ZC3H3: variants seen among roughly 807,000 people sequenced by gnomAD.
ZC3H3 encodes zinc finger CCCH domain-containing protein 3.
ZC3H3 carries 36 observed loss-of-function variants against 77.3 expected under a neutral mutation model. That is an observed-to-expected ratio of 0.47 (90% confidence interval 0.36 to 0.61). The LOEUF (loss-of-function observed/expected upper bound fraction) is 0.61, where lower values mean the gene tolerates loss of function less well. Among genes scored for constraint, ZC3H3 ranks in the 20% least tolerant of loss-of-function variants. ZC3H3 has a pLI of 0.00. For synonymous variants in ZC3H3, 626 were observed against 555.2 expected (o/e 1.13, Z -1.79); for missense variants, 1,331 against 1,312.2 (o/e 1.01, Z -0.22).
chr8:143,492,205 T>TG (rs1821225219), intron 4 of ZC3H3, among the ~76,000 whole-genome samples: 2 of 152,286 alleles, frequency 1.3e-5, no homozygotes, highest in African/African-American at 4.8e-5. Flanking sequence ...CGGCAAAGCC[T>TG]CGGGGGGAGG....
chr8:143,447,653 T>C (rs908937116), intron 9 of ZC3H3, among the ~76,000 whole-genome samples: 16 of 152,228 alleles, frequency 1.1e-4, no homozygotes, highest in African/African-American at 3.6e-4. Context: ...TGGCAGCATC[T>C]GCTTCTGGGG....
chr8:143,478,881 C>T (rs755054088), intron 4 of ZC3H3, among the ~76,000 whole-genome samples: 2 of 152,228 alleles, frequency 1.3e-5, no homozygotes, highest in Non-Finnish European at 2.9e-5. Context: ...AAAAAAAACA[C>T]CTTACTGGAG....
intron 4 of ZC3H3, among the ~76,000 whole-genome samples, chr8:143,488,349 C>G (rs1821100762): frequency 1.6e-5 from 1 of 64,380 alleles, no homozygotes; most frequent in African/African-American, 8.3e-5. Flanking sequence ...ACACACAGAA[C>G]AGCACCCGCT....
intron 4 of ZC3H3, among the ~76,000 whole-genome samples, chr8:143,507,394 G>A (rs1013737064): frequency 1.3e-5 from 2 of 152,266 alleles, no homozygotes; most frequent in Non-Finnish European, 2.9e-5. Flanking sequence ...CTCCCCGAGA[G>A]ATGCTCAGAC....
intron 5 of ZC3H3, among the ~76,000 whole-genome samples, chr8:143,472,110 G>A (rs973697018): frequency 6.6e-6 from 1 of 152,244 alleles, no homozygotes; most frequent in Non-Finnish European, 1.5e-5. Flanking sequence ...GAGCAAGGAG[G>A]CCCCTGGACC....
chr8:143,539,725 G>A (rs1177788441), intron 1 of ZC3H3, among the ~76,000 whole-genome samples: 2 of 152,202 alleles, frequency 1.3e-5, no homozygotes, highest in Admixed American at 6.5e-5. Context: ...AGGCCCTCTG[G>A]CTTGCCTACA....
chr8:143,527,955 C>T (rs750786358), intron 3 of ZC3H3, among the ~76,000 whole-genome samples: 29 of 152,092 alleles, frequency 1.9e-4, no homozygotes, highest in Non-Finnish European at 3.1e-4. Flanking sequence ...GCCCACACCA[C>T]GCCTGGGGGC....
rs1822689015 is a variant in ZC3H3 at position 143,533,514 on chromosome 8, T to G, written c.1561+2743A>C. On this transcript the variant is annotated intron_variant, in intron 3 of 11. Coordinates refer to ENST00000262577, the MANE Select transcript of ZC3H3 (RefSeq NM_015117.3). The surrounding 1 kb of genome is among the most constrained non-coding windows in gnomAD (Gnocchi z 4.0). ...CCACTGGAAGGCGGCTCCAGCCTCA[T>G]CATCTCTTCACCTTCACTGCAGTAT... Among the ~76,000 whole-genome samples the G allele has an allele frequency of 6.6e-6, 1 of 152,050 alleles. No homozygotes were observed. Among genetic ancestry groups the G allele is most frequent in the Non-Finnish European group, 1.5e-5 (1 of 68,000 alleles).
chr8:143,478,927 C>T (rs79729884), intron 4 of ZC3H3, among the ~76,000 whole-genome samples: 7 of 152,344 alleles, frequency 4.6e-5, no homozygotes, highest in African/African-American at 1.2e-4. Context: ...AGGATCTGGG[C>T]GGAATGGAGA....
intron 4 of ZC3H3, among the ~76,000 whole-genome samples, chr8:143,505,242 C>T (rs1025338630): frequency 2.6e-5 from 4 of 152,250 alleles, no homozygotes; most frequent in Non-Finnish European, 5.9e-5. Context: ...AGCCTGCCTT[C>T]TTCCTCTCCA....
chr8:143,498,084 C>T (rs1332241300), intron 4 of ZC3H3, among the ~76,000 whole-genome samples: 1 of 152,204 alleles, frequency 6.6e-6, no homozygotes, highest in Non-Finnish European at 1.5e-5. Flanking sequence ...CCAAGGAGAA[C>T]GGCAGGAACT....
chr8:143,498,433 G>A (rs371907655), intron 4 of ZC3H3, among the ~76,000 whole-genome samples: 35 of 152,252 alleles, frequency 2.3e-4, no homozygotes, highest in Non-Finnish European at 4.4e-4. Flanking sequence ...AGTGTGGCCC[G>A]CTCACCGGTC....
In ZC3H3 at chr8:143,460,352, T is replaced by C. The variant is rs889267292; in HGVS notation, c.2307+5365A>G. ...TCTGTTTGCTGATGACATGATCTTA[T>C]ATGTAAGAAAACCCTAAAGAATCCA... On this transcript the variant is annotated intron_variant, in intron 9 of 11. Transcript: ENST00000262577. This position sits in a 1 kb window ranked among gnomAD's most constrained non-coding sequence, Gnocchi z 4.0. Among the ~76,000 whole-genome samples, 1 of 151,958 alleles carries C rather than the reference T, an allele frequency of 6.6e-6. No homozygotes were observed. Among genetic ancestry groups the C allele is most frequent in the Non-Finnish European group, 1.5e-5 (1 of 68,012 alleles).
intron 4 of ZC3H3, among the ~76,000 whole-genome samples, chr8:143,487,596 G>A (rs1211394406): frequency 9.1e-5 from 2 of 21,982 alleles, no homozygotes; most frequent in Non-Finnish European, 1.8e-4. Flanking sequence ...CCACCACCAC[G>A]AAGCTCAGAC....
chr8:143,492,217 G>C (rs751802807), intron 4 of ZC3H3, among the ~76,000 whole-genome samples: 1 of 152,172 alleles, frequency 6.6e-6, no homozygotes, highest in Admixed American at 6.5e-5. Context: ...GGGGGGAGGA[G>C]TGTGCTGGCC....
intron 4 of ZC3H3, among the ~76,000 whole-genome samples, chr8:143,488,800 G>A (rs2129958245): frequency 6.6e-6 from 1 of 152,320 alleles, no homozygotes. Context: ...CGAGGAAAAT[G>A]ACAAAAAGGC....
chr8:143,461,532 T>A (rs1395648209), intron 9 of ZC3H3, among the ~76,000 whole-genome samples: 2 of 152,030 alleles, frequency 1.3e-5, no homozygotes, highest in Admixed American at 1.3e-4. Flanking sequence ...AGCAAAAGCA[T>A]CGGCCACACA....
intron 9 of ZC3H3, among the ~76,000 whole-genome samples, chr8:143,459,491 G>A (rs545241548): frequency 9.9e-5 from 15 of 152,150 alleles, no homozygotes; most frequent in Non-Finnish European, 1.9e-4. Flanking sequence ...GGAGTTTACA[G>A]TGAGCTGAGA....
chr8:143,532,985 TGCGGACTCCGCTCCTTGGCCTG>T (rs1418719687), intron 3 of ZC3H3, among the ~76,000 whole-genome samples: 8 of 152,234 alleles, frequency 5.3e-5, no homozygotes, highest in African/African-American at 1.9e-4. Flanking sequence ...CTTGAGAGCC[TGCGGACTCCGCTCCTTGGCCTG>T]GCGTCAGTGG....
Sources: allele counts gnomAD v4.1 joint callset (sites outside exome capture counted in the v4.1 genomes callset), GRCh38; gene constraint gnomAD v4.1.1; non-coding constraint Gnocchi (gnomAD v3.1); transcripts MANE v1.5; gene names NCBI Gene and HGNC (gene_info 2026-07-23, HGNC 2026-07-21).